TPTE: variants seen among roughly 807,000 people sequenced by gnomAD.
TPTE encodes putative tyrosine-protein phosphatase TPTE.
TPTE carries 59 observed loss-of-function variants against 84.1 expected under a neutral mutation model. That is an observed-to-expected ratio of 0.70 (90% CI 0.57 to 0.87). The LOEUF is 0.87. Ranked by LOEUF, TPTE falls within the 40% of genes least tolerant of loss-of-function variation. TPTE has a pLI of 0.00. For missense variants in TPTE, 382 were observed against 659.6 expected (o/e 0.58, Z 4.61); for synonymous variants, 130 against 223.5 (o/e 0.58, Z 3.73).
chr21:10,605,400 T>A lies in TPTE; in HGVS notation c.1521-17T>A, dbSNP rs773713477. ...TGAGCCCCAATATAAAATGTAATAA[T>A]TTTTTTCTATTCTTAGGCTTTATCT... On this transcript the variant is annotated splice_polypyrimidine_tract_variant and intron_variant, in intron 23 of 23. Transcript: ENST00000618007. 1 of 1,612,254 alleles carries A rather than the reference T, an allele frequency of 6.2e-7. No individual in the cohort carries two copies. The highest frequency in any genetic ancestry group is 1.1e-5 in the South Asian group (1 of 90,686).
In TPTE at chr21:10,601,941, TTGGGCTGTG is replaced by T; in HGVS notation, c.1357-116_1357-108del. 2.8e-6 allele frequency: 3 copies of T among 1,063,394 alleles called. No individual in the cohort carries two copies. In the African/African-American group the frequency reaches 4.7e-5, roughly 17 times the overall value. 65.9% of individuals were successfully genotyped at this position (1,063,394 alleles called of 1,614,324 possible). A position where few individuals can be genotyped will look rare whatever the true frequency, so the allele number is the denominator to read the frequency against. On this transcript the variant is annotated intron_variant, in intron 21 of 23. Coordinates refer to ENST00000618007, the MANE Select transcript of TPTE (RefSeq NM_199261.4). ...TAATAATTATTTATGTATGTAGTGA[TTGGGCTGTG>T]AGACCAAAAGTACTTGATAAATACA...
chr21:10,578,853 CTTGTTTTCCT>C (rs1174925418), intron 17 of TPTE, among the ~76,000 whole-genome samples: 1 of 152,308 alleles, frequency 6.6e-6, no homozygotes, highest in Non-Finnish European at 1.5e-5. Flanking sequence ...CATATTTTCC[CTTGTTTTCCT>C]AGTATTTGGA....
intron 21 of TPTE, among the ~76,000 whole-genome samples, chr21:10,600,010 G>T (rs918838476): frequency 6.6e-6 from 1 of 152,304 alleles, no homozygotes; most frequent in Admixed American, 6.5e-5. Context: ...TTGCTATGTT[G>T]CCCAGGCTGG....
intron 11 of TPTE, among the ~76,000 whole-genome samples, chr21:10,569,199 A>G: frequency 6.6e-6 from 1 of 152,312 alleles, no homozygotes; most frequent in Non-Finnish European, 1.5e-5. Flanking sequence ...TAGGGTGTTT[A>G]GCAAAATTCC....
At chr21:10,584,791 T>G (rs1364174004) in intron 17 of TPTE, among the ~76,000 whole-genome samples, 1 of 152,310 alleles carries the variant, frequency 6.6e-6, no homozygotes, top group African/African-American at 2.4e-5. Flanking sequence ...TTCAGTACAG[T>G]GTAGAATTAG....
chr21:10,600,385 C>A, intron 21 of TPTE, among the ~76,000 whole-genome samples: 1 of 152,310 alleles, frequency 6.6e-6, no homozygotes, highest in East Asian at 1.9e-4. Context: ...GTGATCTGCC[C>A]ACCTCAACCT....
intron 19 of TPTE, among the ~76,000 whole-genome samples, chr21:10,592,989 G>GT (rs1159078148): frequency 6.6e-6 from 1 of 152,256 alleles, no homozygotes. Context: ...CTGTTACTCT[G>GT]TTTTTTCTTT....
At chr21:10,583,247 T>A (rs1001256594) in intron 17 of TPTE, among the ~76,000 whole-genome samples, 1 of 152,310 alleles carries the variant, frequency 6.6e-6, no homozygotes, top group African/African-American at 2.4e-5. Context: ...ATACTTGCAA[T>A]TCTGAGTATT....
rs570179908 is a variant in TPTE, at chr21:10,543,094, A to G, written c.120-235A>G. On this transcript the variant is annotated intron_variant, in intron 6 of 23. Transcript: ENST00000618007. ...CCGGACTGCGGACTGCAGTGGCGCA[A>G]TCTCGGCTCACTGCAAGCTCTGCTT... Among the ~76,000 whole-genome samples, 16 of 130,984 alleles carry G rather than the reference A, an allele frequency of 1.2e-4. No homozygotes were observed. The South Asian group carries it at 1.6e-3, about 13-fold the overall frequency. 85.9% of individuals were successfully genotyped at this position (130,984 alleles called of 152,430 possible).
chr21:10,553,152 C>T (rs2145651558), intron 8 of TPTE, among the ~76,000 whole-genome samples: 1 of 152,428 alleles, frequency 6.6e-6, no homozygotes, highest in South Asian at 2.1e-4. Context: ...CCTCTTTATG[C>T]TCATTGGGAT....
intron 17 of TPTE, among the ~76,000 whole-genome samples, chr21:10,587,145 G>C (rs1297419008): frequency 1.3e-5 from 2 of 152,308 alleles, no homozygotes; most frequent in Non-Finnish European, 2.9e-5. Context: ...TTCTGATGTA[G>C]GATGATTCTT....
chr21:10,572,740 C>A (rs1329307591), intron 14 of TPTE, among the ~76,000 whole-genome samples: 4 of 152,402 alleles, frequency 2.6e-5, no homozygotes, highest in Non-Finnish European at 5.9e-5. Context: ...ACTGACCTTA[C>A]AAGGACTGCT....
At chr21:10,589,356 T>G (rs1279729978) in intron 17 of TPTE, among the ~76,000 whole-genome samples, 1 of 152,308 alleles carries the variant, frequency 6.6e-6, no homozygotes, top group Non-Finnish European at 1.5e-5. Context: ...GGGTAAGAGC[T>G]GGCTGTTGCC....
chr21:10,566,706 C>G (rs1239236389), intron 10 of TPTE, among the ~76,000 whole-genome samples: 65 of 152,382 alleles, frequency 4.3e-4, no homozygotes, highest in Admixed American at 3.9e-3. Flanking sequence ...GCCAAGTGCA[C>G]TGGCTCATGC....
At chr21:10,522,652 G>T (rs1239368387) in intron 1 of TPTE, among the ~76,000 whole-genome samples, 1 of 152,310 alleles carries the variant, frequency 6.6e-6, no homozygotes, top group Non-Finnish European at 1.5e-5. Flanking sequence ...TATTAGTGAA[G>T]TATCTGTTCA....
intron 17 of TPTE, among the ~76,000 whole-genome samples, chr21:10,585,241 CAAAAAA>C (rs61644136): frequency 3.5e-5 from 5 of 144,204 alleles, no homozygotes; most frequent in African/African-American, 1.3e-4. Context: ...AAAAATGAAA[CAAAAAA>C]AAAAAAAAAG....
At chr21:10,537,339 T>G (rs1377526772) in intron 3 of TPTE, among the ~76,000 whole-genome samples, 1 of 152,306 alleles carries the variant, frequency 6.6e-6, no homozygotes, top group Non-Finnish European at 1.5e-5. Flanking sequence ...AAGTCTAAAT[T>G]CAAATCAGTA....
chr21:10,562,736 TAAA>T, intron 10 of TPTE, among the ~76,000 whole-genome samples: 1 of 152,424 alleles, frequency 6.6e-6, no homozygotes, highest in Non-Finnish European at 1.5e-5. Flanking sequence ...AAGGAAAGAA[TAAA>T]AAACAACGAC....
At chr21:10,573,787 G>T (rs1231075827) in intron 14 of TPTE, among the ~76,000 whole-genome samples, 8 of 152,292 alleles carry the variant, frequency 5.3e-5, no homozygotes, top group African/African-American at 1.9e-4. Flanking sequence ...TGGCTGAATG[G>T]CCCCATGTGG....
Sources: gnomAD v4.1 joint callset for allele counts (sites outside exome capture counted in the v4.1 genomes callset) on GRCh38, gnomAD v4.1.1 for gene constraint, MANE v1.5 for transcripts, NCBI Gene and HGNC (gene_info 2026-07-23, HGNC 2026-07-21) for gene names.